B4GALT4: variants seen among roughly 807,000 people sequenced by gnomAD.
The protein encoded by B4GALT4 is N-acetyllactosamine synthase.
Under a neutral mutation model 37.3 loss-of-function variants are expected in B4GALT4, and 27 were observed. That is an observed-to-expected ratio of 0.72 (90% CI 0.53 to 1.00). B4GALT4 has a LOEUF of 1.00. B4GALT4 is among the 50% of genes least tolerant of loss of function. The probability of loss-of-function intolerance (pLI) is 0.00; values close to 1 mark genes in which losing one functional copy is unlikely to be tolerated. For missense variants in B4GALT4, 372 were observed against 413.1 expected (o/e 0.90, Z 0.86); for synonymous variants, 148 against 154.1 (o/e 0.96, Z 0.29).
chr3:119,220,846 C>T (rs1452072613), intron 5 of B4GALT4, among the ~76,000 whole-genome samples: 3 of 152,034 alleles, frequency 2.0e-5, no homozygotes, highest in Non-Finnish European at 4.4e-5. Flanking sequence ...ATTAGCTGGG[C>T]GTGGTGGCAC....
In B4GALT4 at chr3:119,218,762, T is replaced by A. The variant is rs1175781139; in HGVS notation, c.685A>T (p.Ser229Cys). The change falls in exon 6 of 8, where the codon AGT becomes TGT. Residue 229 changes from serine to cysteine, a missense_variant. By Grantham distance (112) the Ser-to-Cys change is moderately radical. Coordinates refer to ENST00000393765, the MANE Select transcript of B4GALT4 (RefSeq NM_003778.4). ...GCAGTAACACCCCCAAAATATCCAC[T>A]GTAACGTAACCTGGAGCAAAAGAGA... Reference protein sequence around the residue: ...RNSTGYRLRYSGYFGGVTALS... With the variant: ...RNSTGYRLRYCGYFGGVTALS... The A allele has an allele frequency of 6.2e-7, 1 of 1,614,068 alleles. No individual in the cohort carries two copies. The highest frequency in any genetic ancestry group is 1.7e-5 in the Admixed American group (1 of 60,012).
chr3:119,211,913 T>G lies in B4GALT4; in HGVS notation c.*636A>C, dbSNP rs1576878886. On this transcript the variant is annotated 3_prime_UTR_variant, in exon 8 of 8. Transcript: ENST00000393765. The stretch of plus-strand genomic sequence containing the variant: ...GGTGGGCATCACTGGAAGGCATACC[T>G]GGGCAGGTCCTCCCCTGAAGGCTAT... 3 of 493,746 alleles carry G rather than the reference T, an allele frequency of 6.1e-6. No homozygotes were observed. In the East Asian group the frequency reaches 9.0e-5, roughly 15 times the overall value. The allele number at this position is 493,746 out of a possible 1,614,324, so 30.6% of individuals were successfully genotyped here.
intron 2 of B4GALT4, among the ~76,000 whole-genome samples, chr3:119,234,399 C>G (rs549982197): frequency 3.9e-5 from 6 of 152,170 alleles, no homozygotes; most frequent in African/African-American, 1.4e-4. Context: ...GGATTACAGG[C>G]GTGAGCCACC....
At chr3:119,215,682 A>C (rs923632352) in intron 7 of B4GALT4, 2 of 152,220 alleles carry the variant, frequency 1.3e-5, no homozygotes, top group African/African-American at 4.8e-5. Context: ...TAATGCAAGG[A>C]ATTCTATTGG....
intron 3 of B4GALT4, among the ~76,000 whole-genome samples, chr3:119,228,946 A>AC (rs1212221982): frequency 1.3e-5 from 2 of 152,184 alleles, no homozygotes; most frequent in East Asian, 3.8e-4. Context: ...TGTGAGGACA[A>AC]TATCCAGTAA....
intron 5 of B4GALT4, among the ~76,000 whole-genome samples, chr3:119,220,175 CA>C (rs146968735): frequency 1.3e-5 from 2 of 151,560 alleles, no homozygotes. Context: ...TATAATAAAA[CA>C]AAAAAAAGGA....
intron 2 of B4GALT4, among the ~76,000 whole-genome samples, chr3:119,233,793 G>A (rs1032200721): frequency 3.9e-5 from 6 of 152,138 alleles, no homozygotes; most frequent in African/African-American, 1.4e-4. Flanking sequence ...TGAGACATCT[G>A]ACCCAGTTAA....
chr3:119,228,875 CCT>C (rs897008382), intron 3 of B4GALT4, among the ~76,000 whole-genome samples: 1 of 152,046 alleles, frequency 6.6e-6, no homozygotes, highest in Admixed American at 6.5e-5. Context: ...TTTCTCTCTC[CCT>C]CTCTCTTTCC....
intron 1 of B4GALT4, among the ~76,000 whole-genome samples, chr3:119,237,351 G>A (rs966757467): frequency 1.3e-5 from 2 of 152,210 alleles, no homozygotes; most frequent in African/African-American, 2.4e-5. Flanking sequence ...TCAAATTCTG[G>A]TTATCAGATG....
chr3:119,218,565 AT>A, intron 6 of B4GALT4, 84 bp downstream of exon 6: 1 of 1,572,970 alleles, frequency 6.4e-7, no homozygotes, highest in Non-Finnish European at 8.7e-7. Context: ...CTGGACTGGC[AT>A]CTAAAGGAAT....
intron 6 of B4GALT4, among the ~76,000 whole-genome samples, 177 bp downstream of exon 6, chr3:119,218,473 C>T (rs1242362160): frequency 6.6e-6 from 1 of 152,196 alleles, no homozygotes; most frequent in African/African-American, 2.4e-5. Context: ...TAAACTGCTA[C>T]TGGCACAGAA....
chr3:119,229,589 A>G (rs2078744018), intron 3 of B4GALT4, among the ~76,000 whole-genome samples: 2 of 152,230 alleles, frequency 1.3e-5, no homozygotes, highest in Admixed American at 1.3e-4. Context: ...CTATGGTTCC[A>G]GCAAGATTCC....
At chr3:119,232,239 A>G (rs1324130900) in intron 2 of B4GALT4, among the ~76,000 whole-genome samples, 3 of 152,198 alleles carry the variant, frequency 2.0e-5, no homozygotes, top group Non-Finnish European at 4.4e-5. Context: ...GTCAATGCTG[A>G]AAGCAGTAAT....
At chr3:119,221,461 CCAGCACGGGG>C (rs1408341293) in intron 5 of B4GALT4, among the ~76,000 whole-genome samples, 47 of 152,184 alleles carry the variant, frequency 3.1e-4, no homozygotes, top group South Asian at 2.5e-3. Context: ...CACACAGTTG[CCAGCACGGGG>C]CAGACACTCA....
intron 5 of B4GALT4, among the ~76,000 whole-genome samples, chr3:119,221,736 C>G (rs115442284): frequency 6.6e-6 from 1 of 152,166 alleles, no homozygotes; most frequent in African/African-American, 2.4e-5. Context: ...AAATAAGATT[C>G]TTTTCAATTT....
chr3:119,234,769 C>T (rs2078934422), intron 2 of B4GALT4, among the ~76,000 whole-genome samples: 1 of 152,100 alleles, frequency 6.6e-6, no homozygotes, highest in South Asian at 2.1e-4. Context: ...TCTTGAAGTG[C>T]CAAGGGACTA....
At chr3:119,216,372 A>G (rs1175167579) in intron 6 of B4GALT4, 28 bp from the exon 7 acceptor site, 8 of 1,586,898 alleles carry the variant, frequency 5.0e-6, no homozygotes, top group Non-Finnish European at 8.6e-7. Flanking sequence ...ATTTTTTTAA[A>G]GTCCATCCTA....
chr3:119,216,706 T>C (rs2078303985), intron 6 of B4GALT4, among the ~76,000 whole-genome samples: 1 of 152,190 alleles, frequency 6.6e-6, no homozygotes, highest in Non-Finnish European at 1.5e-5. Flanking sequence ...ATCAAGTCTG[T>C]TAGGATCCCC....
chr3:119,226,720 T>C, intron 4 of B4GALT4, 89 bp downstream of exon 4: 1 of 1,132,338 alleles, frequency 8.8e-7, no homozygotes, highest in Non-Finnish European at 1.3e-6. Context: ...TGATGTTCCT[T>C]TTACCCAACA....
Sources: allele counts gnomAD v4.1 joint callset (sites outside exome capture counted in the v4.1 genomes callset), GRCh38; gene constraint gnomAD v4.1.1; transcripts MANE v1.5; gene names NCBI Gene and HGNC (gene_info 2026-07-23, HGNC 2026-07-21).